DYNC2LI1: variants seen among roughly 807,000 people sequenced by gnomAD.
DYNC2LI1 encodes cytoplasmic dynein 2 light intermediate chain 1.
A neutral mutation model predicts 51.9 loss-of-function variants in DYNC2LI1; 45 were observed. That is an observed-to-expected ratio of 0.87 (90% confidence interval 0.68 to 1.11). The LOEUF (loss-of-function observed/expected upper bound fraction) is 1.11. DYNC2LI1 is among the 50% of genes most tolerant of loss of function. DYNC2LI1 has a pLI of 0.00. For missense variants in DYNC2LI1, 490 were observed against 417.4 expected (o/e 1.17, Z -1.51); for synonymous variants, 130 against 137.8 (o/e 0.94, Z 0.40).
At chr2:43,822,961 A>G in the DYNC2LI1 span, 11 of 1,612,704 alleles carry the variant, frequency 6.8e-6, no homozygotes, top group South Asian at 1.1e-5. Flanking sequence ...AGGTTTCAGA[A>G]CAGTCAGTCA....
chr2:43,821,214 CATT>C, the DYNC2LI1 span, among the ~76,000 whole-genome samples: 13 of 152,188 alleles, frequency 8.5e-5, no homozygotes, highest in Non-Finnish European at 1.8e-4. Flanking sequence ...TGCCGTTCCT[CATT>C]GTTGTCTTCT....
chr2:43,816,041 C>A, the DYNC2LI1 span, among the ~76,000 whole-genome samples: 1 of 152,024 alleles, frequency 6.6e-6, no homozygotes, highest in African/African-American at 2.4e-5. Context: ...GAGGTAGGAA[C>A]TGTGAACCTT....
chr2:43,794,476 G>A lies in DYNC2LI1; in HGVS notation c.340G>A (p.Val114Ile), dbSNP rs776935418. Residue 114 changes from valine (V) to isoleucine (I), a missense_variant, in exon 6 of 13, where the codon GTT becomes ATT. Val to Ile is a conservative substitution (Grantham distance 29). Coordinates refer to ENST00000260605, the MANE Select transcript of DYNC2LI1 (RefSeq NM_016008.4). ...CTTTAGGACGTTTTCTCTTGTTCTC[G>A]TTCTGGATCTTTCAAAACCTAATGA... is the stretch of plus-strand genomic sequence containing the variant. Reference protein sequence around the residue: ...DTLRTFSLVLVLDLSKPNDLW... With the variant: ...DTLRTFSLVLILDLSKPNDLW... 4.1e-5 allele frequency: 66 copies of A among 1,612,414 alleles called. No individual in the cohort carries two copies. Among genetic ancestry groups the A allele is most frequent in the East Asian group, 1.8e-4 (8 of 44,854 alleles).
chr2:43,817,879 C>T, the DYNC2LI1 span, among the ~76,000 whole-genome samples: 2 of 152,076 alleles, frequency 1.3e-5, no homozygotes, highest in Non-Finnish European at 2.9e-5. Flanking sequence ...CACTGCATTC[C>T]AGCCTGGGTG....
intron 10 of DYNC2LI1, among the ~76,000 whole-genome samples, 181 bp from the exon 11 acceptor site, chr2:43,804,461 C>T (rs532871384): frequency 7.2e-5 from 11 of 152,264 alleles, no homozygotes; most frequent in African/African-American, 2.4e-4. Context: ...TCTTTCAGTA[C>T]TAGAATCTGT....
chr2:43,811,249 G>A (rs967524448), downstream of DYNC2LI1, among the ~76,000 whole-genome samples: 1 of 152,216 alleles, frequency 6.6e-6, no homozygotes, highest in East Asian at 1.9e-4. Flanking sequence ...AAGACATTGT[G>A]TAACTATTAC....
At chr2:43,805,701 G>A (rs913478101) in intron 12 of DYNC2LI1, 13 of 152,496 alleles carry the variant, frequency 8.5e-5, no homozygotes, top group African/African-American at 2.7e-4. Context: ...CTGAAAGCAC[G>A]ATCTGAAAGC....
downstream of DYNC2LI1, among the ~76,000 whole-genome samples, chr2:43,811,027 G>T (rs750148031): frequency 3.3e-5 from 5 of 152,188 alleles, no homozygotes; most frequent in Non-Finnish European, 7.3e-5. Flanking sequence ...GAAGTCACGT[G>T]TGATGTCAGT....
At chr2:43,797,427 A>G (rs908890178) in intron 8 of DYNC2LI1, among the ~76,000 whole-genome samples, 2 of 151,852 alleles carry the variant, frequency 1.3e-5, no homozygotes, top group Non-Finnish European at 2.9e-5. Context: ...TACTCAATAA[A>G]TGTTGGTTAT....
At chr2:43,825,377 G>C in the DYNC2LI1 span, among the ~76,000 whole-genome samples, 3 of 152,076 alleles carry the variant, frequency 2.0e-5, no homozygotes, top group South Asian at 6.2e-4. Flanking sequence ...GTGGGTCTTA[G>C]TTTGTTTTTT....
At chr2:43,798,379 A>G (rs909964256) in intron 8 of DYNC2LI1, among the ~76,000 whole-genome samples, 2 of 152,228 alleles carry the variant, frequency 1.3e-5, no homozygotes, top group African/African-American at 4.8e-5. Context: ...AGGTTGACAC[A>G]GTACTTTGGG....
intron 3 of DYNC2LI1, 83 bp from the exon 4 acceptor site, chr2:43,787,097 GA>G: frequency 9.1e-7 from 1 of 1,099,834 alleles, no homozygotes; most frequent in Non-Finnish European, 1.3e-6. Context: ...TTTTCAAGAG[GA>G]AGGAAAAATG....
At chr2:43,811,892 C>T (rs1314719830), downstream of DYNC2LI1, among the ~76,000 whole-genome samples, 1 of 152,134 alleles carries the variant, frequency 6.6e-6, no homozygotes, top group African/African-American at 2.4e-5. Flanking sequence ...CCGCGCCTGG[C>T]CAGAACCCAT....
intron 5 of DYNC2LI1, among the ~76,000 whole-genome samples, chr2:43,792,382 T>A (rs1052692337): frequency 1.3e-5 from 2 of 152,326 alleles, no homozygotes; most frequent in South Asian, 4.1e-4. Flanking sequence ...TCTAGCAGAA[T>A]GTTTGCTGTG....
chr2:43,821,366 T>A, the DYNC2LI1 span, among the ~76,000 whole-genome samples: 1 of 152,210 alleles, frequency 6.6e-6, no homozygotes, highest in Non-Finnish European at 1.5e-5. Flanking sequence ...TGGTTCCTAA[T>A]TAGCGAATCT....
Position 43,783,510 on chromosome 2 carries a change from T to A in DYNC2LI1, c.127-10T>A. On this transcript the variant is annotated splice_polypyrimidine_tract_variant and intron_variant, in intron 2 of 12. Transcript: ENST00000260605. ...CATTAACGCAGTGTTCCTTCTTTTTTAATTTCCAGGGAAAGACTACTATTA... is the reference window on the plus strand; with the variant it reads ...CATTAACGCAGTGTTCCTTCTTTTTAAATTTCCAGGGAAAGACTACTATTA... 6.5e-7 allele frequency: 1 copy of A among 1,531,732 alleles called. No homozygotes were observed. Among genetic ancestry groups the A allele is most frequent in the Non-Finnish European group, 8.7e-7 (1 of 1,144,000 alleles). 94.9% of individuals were successfully genotyped at this position (1,531,732 alleles called of 1,614,324 possible). A position where few individuals can be genotyped will look rare whatever the true frequency, so the allele number is the denominator to read the frequency against.
chr2:43,824,229 C>A, the DYNC2LI1 span: 1 of 1,614,208 alleles, frequency 6.2e-7, no homozygotes, highest in Non-Finnish European at 8.5e-7. Context: ...CTCAGGAGAA[C>A]ACCCAGTTTA....
chr2:43,825,006 T>C, the DYNC2LI1 span: 1 of 1,613,690 alleles, frequency 6.2e-7, no homozygotes, highest in Admixed American at 1.7e-5. Context: ...AGGATGGCAA[T>C]TTTGTCAAAG....
At chr2:43,816,737 A>G in the DYNC2LI1 span, among the ~76,000 whole-genome samples, 1 of 152,176 alleles carries the variant, frequency 6.6e-6, no homozygotes, top group African/African-American at 2.4e-5. Context: ...AAATGGGAAA[A>G]AAAGTATGCA....
Sources: gnomAD v4.1 joint callset for allele counts (sites outside exome capture counted in the v4.1 genomes callset) on GRCh38, gnomAD v4.1.1 for gene constraint, MANE v1.5 for transcripts, NCBI Gene and HGNC (gene_info 2026-07-23, HGNC 2026-07-21) for gene names.